USP39: variants seen among roughly 807,000 people sequenced by gnomAD.
USP39 encodes the protein ubiquitin specific peptidase 39.
USP39 carries 38 observed loss-of-function variants against 66.4 expected under a neutral mutation model. The observed-to-expected ratio is 0.57, with a 90% CI of 0.44 to 0.75. The LOEUF (loss-of-function observed/expected upper bound fraction) is 0.75. USP39 is among the 30% of genes least tolerant of loss of function. USP39 has a pLI of 0.00. For synonymous variants in USP39, 303 were observed against 274.6 expected (o/e 1.10, Z -1.02); for missense variants, 608 against 714.4 (o/e 0.85, Z 1.70).
At chr2:85,619,867 T>TC (rs1674318028) in intron 2 of USP39, among the ~76,000 whole-genome samples, 1 of 151,776 alleles carries the variant, frequency 6.6e-6, no homozygotes, top group African/African-American at 2.4e-5. Flanking sequence ...CATCTTTTTT[T>TC]TTTTGAGATG....
intron 5 of USP39, among the ~76,000 whole-genome samples, chr2:85,629,253 G>A (rs895492955): frequency 6.6e-6 from 1 of 151,756 alleles, no homozygotes; most frequent in Non-Finnish European, 1.5e-5. Context: ...AGTAGAGACG[G>A]TTTCACCATG....
upstream of USP39, chr2:85,609,658 A>T: frequency 1.3e-6 from 2 of 1,565,792 alleles, no homozygotes; most frequent in Non-Finnish European, 1.7e-6. Flanking sequence ...GAGATGCTGC[A>T]GGAAAATATA....
intron 11 of USP39, 85 bp downstream of exon 11, chr2:85,645,168 TG>T: frequency 6.3e-7 from 1 of 1,575,518 alleles, no homozygotes; most frequent in African/African-American, 1.4e-5. Context: ...CCCTTCAGTG[TG>T]TCCTTGCTTG....
chr2:85,648,152 A>G (rs1389759832), intron 12 of USP39, 136 bp downstream of exon 12: 2 of 794,638 alleles, frequency 2.5e-6, no homozygotes, highest in South Asian at 1.7e-5. Flanking sequence ...AGTACTTAGT[A>G]GTGAGTTGGG....
intron 1 of USP39, among the ~76,000 whole-genome samples, chr2:85,617,767 A>G (rs1674107733): frequency 6.6e-6 from 1 of 152,188 alleles, no homozygotes; most frequent in Non-Finnish European, 1.5e-5. Flanking sequence ...GAAAACTGAC[A>G]CCAATGCTAT....
At chr2:85,625,793 C>T (rs770540029) in intron 5 of USP39, 102 bp downstream of exon 5, 92 of 1,429,026 alleles carry the variant, frequency 6.4e-5, no homozygotes, top group Admixed American at 1.1e-4. Flanking sequence ...CCAAGGCAGG[C>T]GGATTGCCTG....
intron 10 of USP39, among the ~76,000 whole-genome samples, chr2:85,643,078 A>AC (rs1440905325): frequency 6.6e-6 from 1 of 151,978 alleles, no homozygotes; most frequent in East Asian, 1.9e-4. Context: ...CTCTACTAAA[A>AC]AAAAAAAAAA....
intron 2 of USP39, 192 bp from the exon 3 acceptor site, chr2:85,621,293 A>C (rs1674440626): frequency 1.9e-6 from 1 of 535,660 alleles, no homozygotes; most frequent in Non-Finnish European, 3.4e-6. Flanking sequence ...TGGTGGAGAC[A>C]CCTCAACAGT....
rs142922961 is a variant in USP39 at position 85,624,616 on chromosome 2, C to A, written c.570+834C>A. Among the ~76,000 whole-genome samples, 551 of 152,254 alleles carry A rather than the reference C, an allele frequency of 3.6e-3. 4 individuals are homozygous for A. The highest frequency in any genetic ancestry group is 0.012 in the Admixed American group (180 of 15,274). On this transcript the variant is annotated intron_variant, in intron 4 of 12. Coordinates refer to ENST00000323701, the MANE Select transcript of USP39 (RefSeq NM_006590.4). Reference sequence around the variant, plus strand: ...GTGGTATTTAGTCTTTGAAATACTGCTTTTTCTACTTGTAAAAGTTGTATA... The same window carrying A: ...GTGGTATTTAGTCTTTGAAATACTGATTTTTCTACTTGTAAAAGTTGTATA...
At chr2:85,624,228 G>A (rs1674677398) in intron 4 of USP39, among the ~76,000 whole-genome samples, 1 of 152,106 alleles carries the variant, frequency 6.6e-6, no homozygotes, top group Non-Finnish European at 1.5e-5. Flanking sequence ...TGTGCCAAGA[G>A]ACACTCATTG....
chr2:85,645,120 C>T (rs201566875), intron 11 of USP39, 37 bp downstream of exon 11: 1 of 1,611,490 alleles, frequency 6.2e-7, no homozygotes, highest in East Asian at 2.2e-5. Flanking sequence ...CACAGAGTGG[C>T]AAAAACAGGT....
upstream of USP39, among the ~76,000 whole-genome samples, chr2:85,615,016 TGTG>T (rs1673820120): frequency 7.0e-6 from 1 of 141,966 alleles, no homozygotes; most frequent in Non-Finnish European, 1.6e-5. Flanking sequence ...TGTGGTGTGG[TGTG>T]GTGTGGTGTG....
At chr2:85,616,143 G>C, upstream of USP39, 1 of 1,399,636 alleles carries the variant, frequency 7.1e-7, no homozygotes, top group Admixed American at 3.2e-5. Flanking sequence ...GCCTTGTGCC[G>C]CGCGCTCGAG....
chr2:85,609,380 T>C (rs1673356021), upstream of USP39: 1 of 1,588,974 alleles, frequency 6.3e-7, no homozygotes. Flanking sequence ...GGTCTGACAA[T>C]GATTACTACC....
At chr2:85,615,810 A>G (rs1371232897), upstream of USP39, among the ~76,000 whole-genome samples, 1 of 152,106 alleles carries the variant, frequency 6.6e-6, no homozygotes, top group Non-Finnish European at 1.5e-5. Flanking sequence ...TTGTATTTTT[A>G]GTAGAGACGG....
chr2:85,621,299 A>G (rs960975045), intron 2 of USP39, 186 bp from the exon 3 acceptor site: 4 of 552,450 alleles, frequency 7.2e-6, no homozygotes, highest in Non-Finnish European at 9.8e-6. Flanking sequence ...AGACACCTCA[A>G]CAGTGCTTTG....
chr2:85,625,636 G>A lies in USP39; in HGVS notation c.668G>A (p.Gly223Asp). ...RAYDGTTYLP[G>D]IVGLNNIKAN... ...TATGATGGTACCACTTACCTGCCGG[G>A]TATTGTGGGACTGAATAACATAAAG... is the stretch of plus-strand genomic sequence containing the variant. The change falls in exon 5 of 13, where the codon GGT becomes GAT. Residue 223 changes from glycine (G) to aspartate (D), a missense_variant. Gly to Asp is a moderately conservative substitution (Grantham distance 94). This residue lies in a region of USP39 where 115 missense variants were observed against 198.6 expected (regional missense o/e 0.58). Coordinates refer to ENST00000323701, the MANE Select transcript of USP39 (RefSeq NM_006590.4). The A allele has an allele frequency of 1.2e-6, 2 of 1,614,030 alleles. No homozygotes were observed. Among genetic ancestry groups the A allele is most frequent in the Non-Finnish European group, 1.7e-6 (2 of 1,179,942 alleles).
At chr2:85,631,707 C>T (rs1435502302) in intron 6 of USP39, among the ~76,000 whole-genome samples, 1 of 152,012 alleles carries the variant, frequency 6.6e-6, no homozygotes, top group Non-Finnish European at 1.5e-5. Context: ...TTTCGTGTCC[C>T]ACATTAGGGT....
At chr2:85,627,223 A>C (rs1390775813) in intron 5 of USP39, among the ~76,000 whole-genome samples, 1 of 151,298 alleles carries the variant, frequency 6.6e-6, no homozygotes, top group Non-Finnish European at 1.5e-5. Flanking sequence ...TAGCCTCCTG[A>C]GTAGCTGGGA....
Sources: allele counts gnomAD v4.1 joint callset (sites outside exome capture counted in the v4.1 genomes callset), GRCh38; gene constraint gnomAD v4.1.1; regional missense constraint gnomAD v4.1.1; transcripts MANE v1.5; gene names NCBI Gene and HGNC (gene_info 2026-07-23, HGNC 2026-07-21).